The following CTNNBL1 variants were observed in gnomAD, a reference collection of about 807,000 sequenced individuals.
CTNNBL1 encodes the protein catenin beta like 1, also known as beta-catenin-like protein 1.
Under a neutral mutation model 72.7 loss-of-function variants are expected in CTNNBL1, and 31 were observed. The observed-to-expected ratio is 0.43, with a 90% confidence interval of 0.32 to 0.58. CTNNBL1 has a LOEUF of 0.58. Among genes scored for constraint, CTNNBL1 ranks in the 20% least tolerant of loss-of-function variants. The pLI, the probability that CTNNBL1 is intolerant of heterozygous loss-of-function variation, is 0.08. For synonymous variants in CTNNBL1, 240 were observed against 267.3 expected, an observed-to-expected ratio of 0.90 and a Z score of 1.00; for missense variants, 534 against 725.1, an observed-to-expected ratio of 0.74 and a Z score of 3.03.
chr20:37,695,501 A>G (rs2072782994), intron 1 of CTNNBL1, among the ~76,000 whole-genome samples: 1 of 152,212 alleles, frequency 6.6e-6, no homozygotes, highest in Non-Finnish European at 1.5e-5. Context: ...ACACTCAGCC[A>G]ATAAAATATG....
chr20:37,780,272 A>G lies in CTNNBL1; in HGVS notation c.1031+937A>G, dbSNP rs6013045. On this transcript the variant is annotated intron_variant, in intron 10 of 15. Transcript: ENST00000361383. ...TTTGGAAAGGTTTTTCATAAATGTG[A>G]TATATATTTGTTAAATAGAATTTAG... Among the ~76,000 whole-genome samples, 493 of 152,196 alleles carry G rather than the reference A, an allele frequency of 3.2e-3. 7 individuals are homozygous for G. The highest frequency in any genetic ancestry group is 0.011 in the African/African-American group (445 of 41,542).
chr20:37,831,765 C>A (rs1269262635), intron 11 of CTNNBL1, among the ~76,000 whole-genome samples: 2 of 152,110 alleles, frequency 1.3e-5, no homozygotes, highest in African/African-American at 4.8e-5. Context: ...CATTGCCTGG[C>A]ACATAGTTGG....
intron 10 of CTNNBL1, among the ~76,000 whole-genome samples, chr20:37,800,807 A>T (rs986721964): frequency 6.6e-6 from 1 of 151,994 alleles, no homozygotes; most frequent in African/African-American, 2.4e-5. Context: ...AGCTAGGAAC[A>T]CTCTGCTCCT....
rs2073397025 is a variant in CTNNBL1 at position 37,759,643 on chromosome 20, A to G, written c.564+1987A>G. On this transcript the variant is annotated intron_variant, in intron 5 of 15. Coordinates refer to ENST00000361383, the MANE Select transcript of CTNNBL1 (RefSeq NM_030877.5). ...TAGTTTTTATTTTTATTATTATTAT[A>G]TTAGTTTAAGATTTTGACTCTTACA... Among the ~76,000 whole-genome samples the G allele has an allele frequency of 2.0e-5, 3 of 152,242 alleles. No homozygotes were observed. The South Asian group carries it at 6.2e-4, about 32-fold the overall frequency.
At chr20:37,860,958 C>G (rs1277249011) in intron 15 of CTNNBL1, among the ~76,000 whole-genome samples, 1 of 152,126 alleles carries the variant, frequency 6.6e-6, no homozygotes, top group Admixed American at 6.5e-5. Flanking sequence ...ACATAGTGTA[C>G]ATAGGTTTCA....
rs183698701 is a variant in CTNNBL1 at position 37,793,905 on chromosome 20, C to T, written c.1032-8962C>T. Among the ~76,000 whole-genome samples the T allele has an allele frequency of 1.3e-4, 19 of 151,888 alleles. No individual in the cohort carries two copies. The East Asian group carries it at 2.9e-3, about 23-fold the overall frequency. ...AAGCAATTCTCCTGCCTCAGCCTCCCGAGTAGCTGGGACTACAGGCATGTG... is the reference window on the plus strand; with the variant it reads ...AAGCAATTCTCCTGCCTCAGCCTCCTGAGTAGCTGGGACTACAGGCATGTG... On this transcript the variant is annotated intron_variant, in intron 10 of 15. Transcript: ENST00000361383.
chr20:37,782,848 A>G (rs979008419), intron 10 of CTNNBL1, among the ~76,000 whole-genome samples: 1 of 152,106 alleles, frequency 6.6e-6, no homozygotes. Context: ...TCTCATACTT[A>G]AGTTTGTCCA....
chr20:37,837,781 A>G (rs1245320114), intron 11 of CTNNBL1, among the ~76,000 whole-genome samples: 1 of 152,238 alleles, frequency 6.6e-6, no homozygotes, highest in Non-Finnish European at 1.5e-5. Context: ...CTTCCCATTC[A>G]TTCAGCAAGT....
chr20:37,823,110 A>G (rs2072124544), intron 11 of CTNNBL1, among the ~76,000 whole-genome samples: 1 of 152,216 alleles, frequency 6.6e-6, no homozygotes, highest in South Asian at 2.1e-4. Context: ...GTTCTTTAGG[A>G]TTAACTGGGT....
intron 11 of CTNNBL1, among the ~76,000 whole-genome samples, chr20:37,807,028 C>T (rs935194872): frequency 6.6e-6 from 1 of 152,142 alleles, no homozygotes; most frequent in Admixed American, 6.5e-5. Flanking sequence ...TCCTGGTTTG[C>T]CTCTTTAAGT....
intron 13 of CTNNBL1, among the ~76,000 whole-genome samples, chr20:37,850,821 C>T (rs561262793): frequency 8.4e-4 from 128 of 152,312 alleles, no homozygotes; most frequent in African/African-American, 3.0e-3. Flanking sequence ...CTTCAGGTTT[C>T]GGCTCTGAGT....
chr20:37,744,502 TATTGTGTGGCC>T (rs2073244762), intron 3 of CTNNBL1: 1 of 152,200 alleles, frequency 6.6e-6, no homozygotes, highest in South Asian at 2.1e-4. Context: ...CTCAAGGGAA[TATTGTGTGGCC>T]ATTAATCTAT....
chr20:37,786,757 T>C (rs1308873186), intron 10 of CTNNBL1, among the ~76,000 whole-genome samples: 1 of 152,182 alleles, frequency 6.6e-6, no homozygotes, highest in African/African-American at 2.4e-5. Flanking sequence ...AATTCTCTTA[T>C]TTAAAAATAA....
chr20:37,832,008 A>T (rs1450997191), intron 11 of CTNNBL1, among the ~76,000 whole-genome samples: 2 of 152,234 alleles, frequency 1.3e-5, no homozygotes, highest in East Asian at 3.8e-4. Context: ...GTGTCCTTCA[A>T]CTTACTAGTA....
chr20:37,857,490 C>T (rs116794475), intron 13 of CTNNBL1, among the ~76,000 whole-genome samples: 2,400 of 152,320 alleles, frequency 0.016, 61 homozygotes, highest in African/African-American at 0.055. Flanking sequence ...TCCTCATATC[C>T]AGTCCTCCCA....
chr20:37,871,330 A>G (rs1466425644), intron 15 of CTNNBL1, among the ~76,000 whole-genome samples: 1 of 152,126 alleles, frequency 6.6e-6, no homozygotes, highest in East Asian at 1.9e-4. Context: ...AATCCCTGAG[A>G]CTGGGTAATT....
intron 1 of CTNNBL1, among the ~76,000 whole-genome samples, chr20:37,697,137 C>A (rs1489655861): frequency 6.6e-6 from 1 of 151,794 alleles, no homozygotes; most frequent in Non-Finnish European, 1.5e-5. Context: ...GAGCTGAGAT[C>A]ATCCCATTGC....
intron 3 of CTNNBL1, among the ~76,000 whole-genome samples, chr20:37,738,608 C>G (rs1028283886): frequency 2.6e-5 from 4 of 152,178 alleles, no homozygotes; most frequent in African/African-American, 9.7e-5. Context: ...TTGAGTAGTA[C>G]AGGCTTTGCA....
chr20:37,779,161 T>C (rs550457958), intron 9 of CTNNBL1, 26 bp from the exon 10 acceptor site: 2 of 1,610,378 alleles, frequency 1.2e-6, no homozygotes, highest in African/African-American at 2.7e-5. Context: ...TATAGCTCTG[T>C]GCTTTGTGCT....
Sources: gnomAD v4.1 joint callset for allele counts (sites outside exome capture counted in the v4.1 genomes callset) on GRCh38, gnomAD v4.1.1 for gene constraint, MANE v1.5 for transcripts, NCBI Gene and HGNC (gene_info 2026-07-23, HGNC 2026-07-21) for gene names.